CTNNA2: variants seen among roughly 807,000 people sequenced by gnomAD.
CTNNA2 encodes the protein catenin alpha-2.
CTNNA2 carries 42 observed loss-of-function variants against 101.0 expected under a neutral mutation model. That is an observed-to-expected ratio of 0.42 (90% CI 0.32 to 0.54). The LOEUF (loss-of-function observed/expected upper bound fraction) is 0.54, where lower values mean the gene tolerates loss of function less well. CTNNA2 is among the 20% of genes least tolerant of loss of function. CTNNA2 has a pLI of 0.14. For missense variants in CTNNA2, 871 were observed against 1,223.1 expected (o/e 0.71, Z 4.29); for synonymous variants, 450 against 456.4 (o/e 0.99, Z 0.18).
intron 7 of CTNNA2, among the ~76,000 whole-genome samples, chr2:80,070,184 C>T (rs1250268971): frequency 6.6e-6 from 1 of 152,124 alleles, no homozygotes; most frequent in East Asian, 1.9e-4. Flanking sequence ...ACTAACTTTG[C>T]AATAAAGCAG....
intron 3 of CTNNA2, among the ~76,000 whole-genome samples, chr2:79,772,485 A>T (rs1673660885): frequency 6.6e-6 from 1 of 152,206 alleles, no homozygotes; most frequent in South Asian, 2.1e-4. Context: ...TGGTCTGGTG[A>T]GCAGCTCTCC....
chr2:79,673,002 A>G (rs1828476), intron 2 of CTNNA2, among the ~76,000 whole-genome samples: 52,426 of 151,946 alleles, frequency 0.35, 10,000 homozygotes, highest in East Asian at 0.71. Context: ...GCCACAGGGC[A>G]CGGCCTCTGT....
Position 80,462,631 on chromosome 2 carries a change from C to T in CTNNA2, c.1290+43030C>T, listed in dbSNP as rs200620168. Reference sequence around the variant, plus strand: ...CCTTCCTTTCCTTCTTTCTTTCTTTCTTTTTTTTTTTTTTTTTTTTTGACG... The same window carrying T: ...CCTTCCTTTCCTTCTTTCTTTCTTTTTTTTTTTTTTTTTTTTTTTTTGACG... On this transcript the variant is annotated intron_variant, in intron 9 of 18. Coordinates refer to ENST00000402739, the MANE Select transcript of CTNNA2 (RefSeq NM_001282597.3). Among the ~76,000 whole-genome samples, 826 of 94,746 alleles carry T rather than the reference C, an allele frequency of 8.7e-3. 18 individuals are homozygous for T. Among genetic ancestry groups the T allele is most frequent in the African/African-American group, 0.032 (703 of 21,686 alleles). 62.2% of individuals were successfully genotyped at this position (94,746 alleles called of 152,430 possible). A position where few individuals can be genotyped will look rare whatever the true frequency, so the allele number is the denominator to read the frequency against.
At chr2:79,922,630 A>C (rs1686745787) in intron 7 of CTNNA2, among the ~76,000 whole-genome samples, 1 of 141,230 alleles carries the variant, frequency 7.1e-6, no homozygotes, top group African/African-American at 2.6e-5. Flanking sequence ...TTAAAACCAT[A>C]TCAGTTTTTT....
intron 7 of CTNNA2, among the ~76,000 whole-genome samples, chr2:79,984,863 TA>T (rs1162213895): frequency 6.6e-6 from 1 of 152,148 alleles, no homozygotes; most frequent in Non-Finnish European, 1.5e-5. Flanking sequence ...TTAAAAATCC[TA>T]GGAGGTTTCC....
chr2:80,258,718 G>A (rs1465290739), intron 7 of CTNNA2, among the ~76,000 whole-genome samples: 1 of 152,092 alleles, frequency 6.6e-6, no homozygotes, highest in Non-Finnish European at 1.5e-5. Context: ...AACCATAACC[G>A]GCAGGGAAGG....
chr2:80,498,017 G>T (rs2149527993), intron 9 of CTNNA2, among the ~76,000 whole-genome samples: 1 of 152,258 alleles, frequency 6.6e-6, no homozygotes, highest in South Asian at 2.1e-4. Flanking sequence ...AACGTGGGTT[G>T]CTATAAGTCC....
chr2:79,748,111 C>G (rs1238938891), intron 3 of CTNNA2, among the ~76,000 whole-genome samples: 1 of 152,208 alleles, frequency 6.6e-6, no homozygotes, highest in Non-Finnish European at 1.5e-5. Context: ...TATCTCCATT[C>G]TTTCCATTCT....
At chr2:79,308,894 C>T (rs1361509317) in intron 2 of CTNNA2, among the ~76,000 whole-genome samples, 2 of 148,504 alleles carry the variant, frequency 1.3e-5, no homozygotes, top group Non-Finnish European at 3.0e-5. Context: ...TATTTTTAAT[C>T]TACCAGGAAA....
At chr2:80,427,825 G>A (rs1005509496) in intron 9 of CTNNA2, among the ~76,000 whole-genome samples, 3 of 152,200 alleles carry the variant, frequency 2.0e-5, no homozygotes, top group African/African-American at 4.8e-5. Context: ...TTCCTGAGAG[G>A]CCCATGTGCT....
intron 9 of CTNNA2, among the ~76,000 whole-genome samples, chr2:80,527,892 C>T (rs183676530): frequency 2.0e-5 from 3 of 152,320 alleles, no homozygotes; most frequent in South Asian, 4.1e-4. Context: ...AAAATGCCCA[C>T]GTCTTGTCCA....
At chr2:79,365,530 G>T (rs979115331) in intron 3 of CTNNA2, among the ~76,000 whole-genome samples, 18 of 151,392 alleles carry the variant, frequency 1.2e-4, no homozygotes, top group African/African-American at 4.4e-4. Context: ...GGAGTCTGAG[G>T]CAGGAGGATG....
chr2:79,838,172 C>T (rs1049432702), intron 3 of CTNNA2, among the ~76,000 whole-genome samples: 1 of 152,064 alleles, frequency 6.6e-6, no homozygotes, highest in African/African-American at 2.4e-5. Flanking sequence ...AAATTATACT[C>T]ATTGAGCTCA....
intron 2 of CTNNA2, among the ~76,000 whole-genome samples, chr2:79,687,994 T>G (rs1684050595): frequency 6.6e-6 from 1 of 152,218 alleles, no homozygotes; most frequent in South Asian, 2.1e-4. Flanking sequence ...CTGTGTCAAC[T>G]TCGATTTGAG....
intron 7 of CTNNA2, among the ~76,000 whole-genome samples, chr2:80,114,701 C>T (rs1701420860): frequency 1.3e-5 from 2 of 152,214 alleles, no homozygotes; most frequent in South Asian, 4.1e-4. Context: ...CATAATCAGA[C>T]TTTCCACAGA....
intron 16 of CTNNA2, 52 bp from the exon 17 acceptor site, chr2:80,608,132 T>G: frequency 6.6e-7 from 1 of 1,519,410 alleles, no homozygotes; most frequent in Non-Finnish European, 9.0e-7. Flanking sequence ...TAACAAATGT[T>G]AGAAACTGAA....
chr2:79,311,245 T>C (rs1384687845), intron 2 of CTNNA2, among the ~76,000 whole-genome samples: 1 of 151,700 alleles, frequency 6.6e-6, no homozygotes, highest in Admixed American at 6.6e-5. Flanking sequence ...CCGTCTCTAC[T>C]AAAAATACAA....
At chr2:80,213,663 T>C (rs973488890) in intron 7 of CTNNA2, among the ~76,000 whole-genome samples, 3 of 152,200 alleles carry the variant, frequency 2.0e-5, no homozygotes, top group Non-Finnish European at 2.9e-5. Context: ...ATAAGTGTGG[T>C]GTGGTGCTGA....
chr2:80,244,299 A>G lies in CTNNA2; in HGVS notation c.1057-148912A>G, dbSNP rs967264972. 3.3e-5 allele frequency among the ~76,000 whole-genome samples: 5 copies of G among 152,250 alleles called. No individual in the cohort carries two copies. In the East Asian group the frequency reaches 7.7e-4, roughly 23 times the overall value. Reference sequence around the variant, plus strand: ...GTAGATTGACTAACATGTGATGTTCAGAGATAGAAAAATCTACCTTAGACG... The same window carrying G: ...GTAGATTGACTAACATGTGATGTTCGGAGATAGAAAAATCTACCTTAGACG... On this transcript the variant is annotated intron_variant, in intron 7 of 18. Transcript: ENST00000402739.
Sources: allele counts gnomAD v4.1 joint callset (sites outside exome capture counted in the v4.1 genomes callset), GRCh38; gene constraint gnomAD v4.1.1; transcripts MANE v1.5; gene names NCBI Gene and HGNC (gene_info 2026-07-23, HGNC 2026-07-21).